Variants in SHANK2 observed in about 807,000 individuals in gnomAD.
SHANK2 encodes SH3 and multiple ankyrin repeat domains 2.
A neutral mutation model predicts 133.7 loss-of-function variants in SHANK2; 43 were observed. The ratio of observed to expected loss-of-function variants is 0.32; its 90% CI spans 0.25 to 0.41. The LOEUF (loss-of-function observed/expected upper bound fraction) is 0.41. Ranked by LOEUF, SHANK2 falls within the 10% of genes least tolerant of loss-of-function variation. The pLI is 1.00. For synonymous variants in SHANK2, 1,017 were observed against 952.8 expected (o/e 1.07, Z -1.24); for missense variants, 1,994 against 2,235.8 (o/e 0.89, Z 2.18).
At position 71,085,751 on chromosome 11, in the gene SHANK2, TTA is replaced by T. The variant is rs1470980324; in HGVS notation, c.912+6669_912+6670del. Among the ~76,000 whole-genome samples the T allele has an allele frequency of 4.4e-4, 34 of 77,420 alleles. No homozygotes were observed. In the South Asian group the frequency reaches 0.011, roughly 25 times the overall value. The allele number at this position is 77,420 out of a possible 152,430, so 50.8% of individuals were successfully genotyped here. ...AAAATATAATATATTATATAATATA[TTA>T]TGTTATATAATATATATTATATTTA... On this transcript the variant is annotated intron_variant, in intron 8 of 25. Coordinates refer to ENST00000601538, the MANE Select transcript of SHANK2 (RefSeq NM_012309.5).
At chr11:71,164,864 T>C (rs560192791) in intron 2 of SHANK2, among the ~76,000 whole-genome samples, 1 of 152,292 alleles carries the variant, frequency 6.6e-6, no homozygotes, top group South Asian at 2.1e-4. Flanking sequence ...TCCAGTCACC[T>C]GCTTGGGGAC....
At chr11:70,715,992 C>T (rs1442002664) in intron 14 of SHANK2, among the ~76,000 whole-genome samples, 2 of 152,208 alleles carry the variant, frequency 1.3e-5, no homozygotes, top group East Asian at 3.9e-4. Flanking sequence ...AGGGGCCTCA[C>T]TCTGTGTACC....
intron 1 of SHANK2, among the ~76,000 whole-genome samples, chr11:71,246,588 C>G (rs1954964177): frequency 6.6e-6 from 1 of 152,108 alleles, no homozygotes; most frequent in Non-Finnish European, 1.5e-5. Context: ...GTGCAAGGAC[C>G]CTTTCCACGT....
intron 2 of SHANK2, among the ~76,000 whole-genome samples, chr11:71,204,987 G>A (rs1954100577): frequency 6.6e-6 from 1 of 152,014 alleles, no homozygotes; most frequent in Non-Finnish European, 1.5e-5. Context: ...TGTCAGCCTG[G>A]CCTCCCTCCT....
chr11:70,680,070 T>C (rs1163998354), intron 15 of SHANK2, among the ~76,000 whole-genome samples: 4 of 152,144 alleles, frequency 2.6e-5, no homozygotes, highest in Non-Finnish European at 5.9e-5. Context: ...CCTTTTCTAC[T>C]GCATGTCTTG....
At chr11:70,665,644 T>G (rs548451011) in intron 15 of SHANK2, among the ~76,000 whole-genome samples, 105 of 152,366 alleles carry the variant, frequency 6.9e-4, no homozygotes, top group African/African-American at 2.5e-3. Context: ...CATCTCACTT[T>G]CACTGGCAGA....
intron 12 of SHANK2, among the ~76,000 whole-genome samples, chr11:70,812,251 G>A (rs1420054977): frequency 6.6e-6 from 1 of 152,220 alleles, no homozygotes; most frequent in Non-Finnish European, 1.5e-5. Flanking sequence ...CCCAGAGCCT[G>A]GGGAACCTTT....
chr11:70,716,898 C>A (rs868994560), intron 14 of SHANK2, among the ~76,000 whole-genome samples: 23 of 144,650 alleles, frequency 1.6e-4, no homozygotes, highest in Admixed American at 2.0e-4. Context: ...TCCCGGAGCC[C>A]CCCCCCCGCC....
intron 2 of SHANK2, among the ~76,000 whole-genome samples, chr11:71,222,714 C>T (rs1454512508): frequency 2.6e-5 from 4 of 152,258 alleles, no homozygotes; most frequent in African/African-American, 9.6e-5. Context: ...GGGACACGTG[C>T]TCCTTCCTGG....
At chr11:71,136,236 T>C (rs1378057011) in intron 3 of SHANK2, among the ~76,000 whole-genome samples, 1 of 152,168 alleles carries the variant, frequency 6.6e-6, no homozygotes, top group Non-Finnish European at 1.5e-5. Flanking sequence ...AAAGCTGTCA[T>C]GCTTCAGCCT....
intron 11 of SHANK2, among the ~76,000 whole-genome samples, chr11:70,824,727 A>AGT (rs1462038649): frequency 6.6e-6 from 1 of 151,990 alleles, no homozygotes; most frequent in Non-Finnish European, 1.5e-5. Context: ...TAGATCACTG[A>AGT]GTGTTTGCAT....
chr11:70,759,234 C>G (rs1021603613), intron 14 of SHANK2, among the ~76,000 whole-genome samples: 2 of 151,876 alleles, frequency 1.3e-5, no homozygotes, highest in Admixed American at 1.3e-4. Context: ...TGGCTCACAC[C>G]TGTAATCCCA....
At chr11:70,536,552 G>A (rs575418098) in intron 17 of SHANK2, among the ~76,000 whole-genome samples, 166 of 152,176 alleles carry the variant, frequency 1.1e-3, no homozygotes, top group African/African-American at 3.8e-3. Flanking sequence ...ACATGGCTGC[G>A]GTGGGCACAG....
At chr11:71,092,738 G>A (rs1951540308) in intron 7 of SHANK2, 149 bp from the exon 8 acceptor site, 1 of 740,560 alleles carries the variant, frequency 1.4e-6, no homozygotes, top group South Asian at 1.8e-5. Context: ...GGGCTCCCCA[G>A]AATTAAGAAG....
chr11:70,764,097 TCCACCCAC>T (rs1305695631), intron 14 of SHANK2, among the ~76,000 whole-genome samples: 8 of 138,966 alleles, frequency 5.8e-5, no homozygotes, highest in South Asian at 2.8e-4. Flanking sequence ...CATCCATCCA[TCCACCCAC>T]CCACCCACCC....
At chr11:71,058,012 A>G (rs1950942684) in intron 9 of SHANK2, among the ~76,000 whole-genome samples, 1 of 144,184 alleles carries the variant, frequency 6.9e-6, no homozygotes, top group African/African-American at 2.7e-5. Flanking sequence ...CTCCCACCTC[A>G]ACCTCCTGAG....
At chr11:70,716,824 C>T (rs143288863) in intron 14 of SHANK2, among the ~76,000 whole-genome samples, 6 of 152,232 alleles carry the variant, frequency 3.9e-5, no homozygotes, top group East Asian at 1.9e-4. Flanking sequence ...TCTCTTCAAC[C>T]GCAAAGCAAC....
intron 11 of SHANK2, among the ~76,000 whole-genome samples, chr11:70,883,052 C>T (rs782407819): frequency 1.1e-4 from 16 of 152,240 alleles, no homozygotes; most frequent in East Asian, 1.9e-4. Context: ...GGGGCGGCTC[C>T]GGAGTCAGGG....
chr11:70,767,703 C>A (rs1591826669), intron 14 of SHANK2, among the ~76,000 whole-genome samples: 1 of 150,028 alleles, frequency 6.7e-6, no homozygotes, highest in Non-Finnish European at 1.5e-5. Flanking sequence ...GTGGGGGGGG[C>A]ATGAGGAGTG....
Sources: gnomAD v4.1 joint callset for allele counts (sites outside exome capture counted in the v4.1 genomes callset) on GRCh38, gnomAD v4.1.1 for gene constraint, MANE v1.5 for transcripts, NCBI Gene and HGNC (gene_info 2026-07-23, HGNC 2026-07-21) for gene names.